Variants in CASK observed in about 807,000 individuals in gnomAD.
CASK encodes the protein calcium/calmodulin dependent serine protein kinase.
Under a neutral mutation model 82.9 loss-of-function variants are expected in CASK, and 4 were observed. The observed-to-expected ratio is 0.05, with a 90% CI of 0.02 to 0.11. The LOEUF (loss-of-function observed/expected upper bound fraction) is 0.11, where lower values mean the gene tolerates loss of function less well. Ranked by LOEUF, CASK falls within the 10% of genes least tolerant of loss-of-function variation. The probability of loss-of-function intolerance (pLI) is 1.00; values close to 1 mark genes in which losing one functional copy is unlikely to be tolerated. For missense variants in CASK, 358 were observed against 720.9 expected (o/e 0.50, Z 5.76); for synonymous variants, 259 against 253.5 (o/e 1.02, Z -0.20).
rs2072821826 is a variant in CASK, at chrX:41,923,304, G to T, written c.-316C>A. 2 of 107,846 alleles carry T rather than the reference G, an allele frequency of 1.9e-5. No individual in the cohort carries two copies. Among genetic ancestry groups the T allele is most frequent in the South Asian group, 7.6e-4 (2 of 2,646 alleles). 8.9% of individuals were successfully genotyped at this position (107,846 alleles called of 1,213,427 possible). A position where few individuals can be genotyped will look rare whatever the true frequency, so the allele number is the denominator to read the frequency against. ...CGTGCGGATCCTCGGGGACCGCGCG[G>T]CGTCGCGCTCTCCGCTCGTCAGCCC... On this transcript the variant is annotated 5_prime_UTR_variant, in exon 1 of 27. Transcript: ENST00000378163.
intron 1 of CASK, among the ~76,000 whole-genome samples, chrX:41,880,440 C>G (rs1300153934): frequency 8.9e-6 from 1 of 111,914 alleles, no homozygotes; most frequent in Non-Finnish European, 1.9e-5. Flanking sequence ...AGCTCAGATG[C>G]AAGCCATGTG....
chrX:41,688,625 C>T (rs1192176272), intron 5 of CASK, among the ~76,000 whole-genome samples: 1 of 111,658 alleles, frequency 9.0e-6, no homozygotes, highest in African/African-American at 3.3e-5. Flanking sequence ...ACTTAAGAAA[C>T]AGAAATTCAG....
chrX:41,810,901 T>C (rs1444117763), intron 2 of CASK, among the ~76,000 whole-genome samples: 2 of 110,092 alleles, frequency 1.8e-5, no homozygotes, highest in Non-Finnish European at 3.8e-5. Context: ...ACCAAGCAAA[T>C]GGAAAACAAA....
intron 2 of CASK, among the ~76,000 whole-genome samples, chrX:41,809,960 G>A (rs956166163): frequency 2.7e-5 from 3 of 112,350 alleles, no homozygotes; most frequent in East Asian, 2.8e-4. Context: ...TTCAGTAGCC[G>A]ATTTGATCAA....
intron 1 of CASK, among the ~76,000 whole-genome samples, chrX:41,897,147 G>A (rs775327518): frequency 1.8e-5 from 2 of 111,317 alleles, no homozygotes; most frequent in Non-Finnish European, 3.8e-5. Flanking sequence ...ATATTATCCC[G>A]ACTATAAGTG....
intron 1 of CASK, among the ~76,000 whole-genome samples, chrX:41,875,194 T>C (rs183650117): frequency 9.8e-5 from 11 of 112,292 alleles, no homozygotes; most frequent in Admixed American, 1.9e-4. Context: ...CTGCATTATA[T>C]ATTTGCCCAG....
intron 5 of CASK, chrX:41,728,072 G>A: frequency 1.2e-6 from 1 of 815,873 alleles, no homozygotes; most frequent in African/African-American, 2.1e-5. Context: ...ATTAAGAAAA[G>A]CATTCATGTG....
chrX:41,555,379 T>A (rs965896853), intron 20 of CASK, among the ~76,000 whole-genome samples: 3 of 111,887 alleles, frequency 2.7e-5, no homozygotes, highest in Middle Eastern at 4.6e-3. Context: ...TATAAAATTA[T>A]CAGGTTGAAA....
intron 5 of CASK, among the ~76,000 whole-genome samples, chrX:41,735,450 T>C (rs554006947): frequency 6.2e-5 from 7 of 112,167 alleles, no homozygotes; most frequent in Middle Eastern, 4.6e-3. Flanking sequence ...ATGACCACTA[T>C]GTTGGAATAC....
intron 7 of CASK, among the ~76,000 whole-genome samples, chrX:41,663,109 A>G (rs2067061536): frequency 9.0e-6 from 1 of 111,322 alleles, no homozygotes; most frequent in South Asian, 3.7e-4. Context: ...AAATAATGTA[A>G]TAATATGTTG....
intron 5 of CASK, 89 bp downstream of exon 5, chrX:41,739,295 A>G (rs563784879): frequency 1.6e-6 from 1 of 627,849 alleles, no homozygotes; most frequent in East Asian, 3.3e-5. Context: ...GATGTTCTTT[A>G]TGACAATATT....
chrX:41,828,932 T>C (rs895119727), intron 2 of CASK, among the ~76,000 whole-genome samples: 4 of 112,278 alleles, frequency 3.6e-5, no homozygotes, highest in Non-Finnish European at 7.5e-5. Flanking sequence ...TTTAAAGATA[T>C]CTATGTTTTC....
Position 41,735,109 on chromosome X carries a change from C to T in CASK, c.429+4275G>A, listed in dbSNP as rs765174959. Among the ~76,000 whole-genome samples the T allele has an allele frequency of 3.3e-3, 365 of 110,270 alleles. 2 individuals are homozygous for T. Among genetic ancestry groups the T allele is most frequent in the Middle Eastern group, 9.3e-3 (2 of 215 alleles). ...AAATGTAATGCTTTTGGATCATATGCCAAGAATTATGAGAGAGAGAGAGAG... is the reference window on the plus strand; with the variant it reads ...AAATGTAATGCTTTTGGATCATATGTCAAGAATTATGAGAGAGAGAGAGAG... On this transcript the variant is annotated intron_variant, in intron 5 of 26. Coordinates refer to ENST00000378163, the MANE Select transcript of CASK (RefSeq NM_001367721.1).
chrX:41,517,808 G>A lies in CASK; in HGVS notation c.*2612C>T. On this transcript the variant is annotated 3_prime_UTR_variant, in exon 27 of 27. Coordinates refer to ENST00000378163, the MANE Select transcript of CASK (RefSeq NM_001367721.1). The stretch of plus-strand genomic sequence containing the variant: ...AGCAGCAGCAGCAGCAGCAGCAGCA[G>A]CAGCAGCAGCAGCAATGTACTGAAA... The A allele has an allele frequency of 2.5e-6, 2 of 805,328 alleles. No individual in the cohort carries two copies. The allele number at this position is 805,328 out of a possible 1,213,427, so 66.4% of individuals were successfully genotyped here.
intron 5 of CASK, chrX:41,728,535 G>A (rs1471481922): frequency 8.2e-6 from 1 of 122,223 alleles, no homozygotes; most frequent in Non-Finnish European, 1.9e-5. Context: ...TTTGAGGTCA[G>A]GAGTTCAAGA....
rs762855700 is a variant in CASK, at chrX:41,516,617, T to C, written c.*3803A>G. Reference sequence around the variant, plus strand: ...TAAGCCCTAGTCAAGAGGATGGAATTAGGAGGCTGTGTTCAGTTCTGAGAA... The same window carrying C: ...TAAGCCCTAGTCAAGAGGATGGAATCAGGAGGCTGTGTTCAGTTCTGAGAA... On this transcript the variant is annotated 3_prime_UTR_variant, in exon 27 of 27. Transcript: ENST00000378163. 1 of 111,274 alleles carries C rather than the reference T, an allele frequency of 9.0e-6. No homozygotes were observed. Among genetic ancestry groups the C allele is most frequent in the South Asian group, 3.8e-4 (1 of 2,609 alleles). The allele number at this position is 111,274 out of a possible 1,213,427, so 9.2% of individuals were successfully genotyped here.
chrX:41,903,716 T>C (rs1186493028), intron 1 of CASK, among the ~76,000 whole-genome samples: 1 of 111,435 alleles, frequency 9.0e-6, no homozygotes, highest in Admixed American at 9.5e-5. Flanking sequence ...TGGTCTCAGA[T>C]TGAGACTCTT....
chrX:41,520,193 T>G lies in CASK; in HGVS notation c.*227A>C, dbSNP rs893960834. ...TAATACATACATTTAAAGATACATT[T>G]TATTAAAGTTTAGGAGAACTGATTA... On this transcript the variant is annotated 3_prime_UTR_variant, in exon 27 of 27. Transcript: ENST00000378163. The G allele has an allele frequency of 2.8e-6, 1 of 351,273 alleles. No individual in the cohort carries two copies. The highest frequency in any genetic ancestry group is 4.9e-6 in the Non-Finnish European group (1 of 202,318). The allele number at this position is 351,273 out of a possible 1,213,427, so 28.9% of individuals were successfully genotyped here. A position where few individuals can be genotyped will look rare whatever the true frequency, so the allele number is the denominator to read the frequency against.
At chrX:41,677,624 G>C (rs1327571226) in intron 5 of CASK, among the ~76,000 whole-genome samples, 1 of 112,119 alleles carries the variant, frequency 8.9e-6, no homozygotes, top group Non-Finnish European at 1.9e-5. Context: ...AGGTTCAGGA[G>C]AGAATGGGAG....
Sources: allele counts gnomAD v4.1 joint callset (sites outside exome capture counted in the v4.1 genomes callset), GRCh38; gene constraint gnomAD v4.1.1; transcripts MANE v1.5; gene names NCBI Gene and HGNC (gene_info 2026-07-23, HGNC 2026-07-21).